The following MTUS2 variants were observed in gnomAD, a reference collection of about 807,000 sequenced individuals.
MTUS2 encodes the protein microtubule-associated tumor suppressor candidate 2.
Under a neutral mutation model 114.1 loss-of-function variants are expected in MTUS2, and 40 were observed. That is an observed-to-expected ratio of 0.35 (90% CI 0.27 to 0.46). The LOEUF (loss-of-function observed/expected upper bound fraction) is 0.46. Ranked by LOEUF, MTUS2 falls within the 20% of genes least tolerant of loss-of-function variation. The probability of loss-of-function intolerance (pLI) is 1.00; values close to 1 mark genes in which losing one functional copy is unlikely to be tolerated. For missense variants in MTUS2, 1,679 were observed against 1,705.4 expected, an observed-to-expected ratio of 0.98 and a Z score of 0.27; for synonymous variants, 688 against 672.0, an observed-to-expected ratio of 1.02 and a Z score of -0.37.
chr13:28,854,791 G>T (rs1463649619), intron 2 of MTUS2, among the ~76,000 whole-genome samples: 1 of 152,096 alleles, frequency 6.6e-6, no homozygotes, highest in Non-Finnish European at 1.5e-5. Context: ...AATTTGAGAG[G>T]CTCTCAGTGG....
At chr13:29,428,944 C>A (rs1483919241) in intron 8 of MTUS2, 5 of 1,597,148 alleles carry the variant, frequency 3.1e-6, no homozygotes, top group Non-Finnish European at 4.3e-6. Flanking sequence ...TTTGCAAGGG[C>A]AGAGAGAAAG....
intron 2 of MTUS2, among the ~76,000 whole-genome samples, chr13:28,854,931 C>T (rs1876525366): frequency 6.6e-6 from 1 of 151,924 alleles, no homozygotes; most frequent in African/African-American, 2.4e-5. Flanking sequence ...CCTGGGGATG[C>T]TCTGGTGACA....
intron 4 of MTUS2, among the ~76,000 whole-genome samples, chr13:29,081,014 C>A (rs778328543): frequency 6.6e-6 from 1 of 152,156 alleles, no homozygotes; most frequent in Non-Finnish European, 1.5e-5. Context: ...CATGAGCCAA[C>A]GCGCCTGGCC....
intron 2 of MTUS2, among the ~76,000 whole-genome samples, chr13:28,899,958 A>T (rs1323318154): frequency 2.0e-5 from 3 of 151,118 alleles, no homozygotes; most frequent in Non-Finnish European, 4.4e-5. Flanking sequence ...CAGGATCTCG[A>T]CTCACTGCAA....
intron 8 of MTUS2, among the ~76,000 whole-genome samples, chr13:29,411,966 T>C (rs1479353837): frequency 6.6e-6 from 1 of 152,232 alleles, no homozygotes; most frequent in Non-Finnish European, 1.5e-5. Flanking sequence ...TGTGAGTCAG[T>C]TTTATCATTC....
chr13:29,058,148 A>C (rs1458105982), intron 4 of MTUS2, among the ~76,000 whole-genome samples: 2 of 151,490 alleles, frequency 1.3e-5, no homozygotes, highest in Non-Finnish European at 2.9e-5. Context: ...TTTCTGCTGA[A>C]AGTTCTGCTG....
chr13:28,963,918 C>G (rs904673787), intron 2 of MTUS2, among the ~76,000 whole-genome samples: 5 of 152,186 alleles, frequency 3.3e-5, no homozygotes, highest in Admixed American at 1.3e-4. Context: ...CACTGCTTCC[C>G]AGTCTCCCCC....
chr13:29,347,594 C>T (rs1338495528), intron 7 of MTUS2, among the ~76,000 whole-genome samples: 2 of 152,002 alleles, frequency 1.3e-5, no homozygotes, highest in Non-Finnish European at 2.9e-5. Flanking sequence ...GGTTTCCACA[C>T]CAAGCAATTA....
chr13:29,322,792 A>G (rs1413517583), intron 6 of MTUS2, among the ~76,000 whole-genome samples: 1 of 152,160 alleles, frequency 6.6e-6, no homozygotes, highest in Non-Finnish European at 1.5e-5. Flanking sequence ...GAAGCATGGC[A>G]TGTTTGGGGA....
intron 6 of MTUS2, among the ~76,000 whole-genome samples, chr13:29,283,548 A>T (rs1010798617): frequency 3.9e-5 from 6 of 152,164 alleles, no homozygotes; most frequent in African/African-American, 1.4e-4. Context: ...GGTTGAATCA[A>T]CCCTATAGCC....
Position 28,830,368 on chromosome 13 carries a change from G to A in MTUS2, c.-315-9410G>A, listed in dbSNP as rs1291925598. Among the ~76,000 whole-genome samples, 5 of 152,066 alleles carry A rather than the reference G, an allele frequency of 3.3e-5. No homozygotes were observed. The East Asian group carries it at 5.8e-4, about 18-fold the overall frequency. On this transcript the variant is annotated intron_variant, in intron 1 of 15. Transcript: ENST00000612955. ...TAAATTAGCTATTATAAATGTGTTC[G>A]AAGAGCTGAAGGAAACCTTGTCTGA...
intron 2 of MTUS2, among the ~76,000 whole-genome samples, chr13:28,871,323 G>C (rs993272438): frequency 1.3e-5 from 2 of 152,154 alleles, no homozygotes; most frequent in South Asian, 2.1e-4. Context: ...AAGCTGGAAG[G>C]TTTTGACGTG....
intron 6 of MTUS2, among the ~76,000 whole-genome samples, chr13:29,306,094 A>ACG (rs1566120410): frequency 2.0e-5 from 3 of 152,232 alleles, no homozygotes; most frequent in African/African-American, 7.2e-5. Flanking sequence ...ACATTCCTTC[A>ACG]TGTTAAAAAC....
At chr13:28,860,432 G>A (rs530762187) in intron 2 of MTUS2, among the ~76,000 whole-genome samples, 1 of 152,310 alleles carries the variant, frequency 6.6e-6, no homozygotes, top group African/African-American at 2.4e-5. Context: ...ATTTGGAAAG[G>A]AGACCTAGGT....
At chr13:28,949,056 G>A (rs1453844158) in intron 2 of MTUS2, among the ~76,000 whole-genome samples, 2 of 152,164 alleles carry the variant, frequency 1.3e-5, no homozygotes, top group Non-Finnish European at 2.9e-5. Context: ...TGTGTATGTA[G>A]GAGAACATAA....
rs7333533 is a variant in MTUS2 at position 29,501,578 on chromosome 13, C to G, written c.3896+384C>G. 7.1e-3 allele frequency among the ~76,000 whole-genome samples: 1,074 copies of G among 152,338 alleles called. 12 individuals are homozygous for G. Among genetic ancestry groups the G allele is most frequent in the African/African-American group, 0.024 (1,014 of 41,592 alleles). ...TTCACAATTTCCATCCAGGTCTCGC[C>G]TGTCCCTGTGGGGCCACGCTCTGAG... On this transcript the variant is annotated intron_variant, in intron 15 of 15. Coordinates refer to ENST00000612955, the MANE Select transcript of MTUS2 (RefSeq NM_001033602.4).
intron 15 of MTUS2, among the ~76,000 whole-genome samples, chr13:29,502,264 A>G (rs1478699067): frequency 6.6e-6 from 1 of 152,258 alleles, no homozygotes; most frequent in African/African-American, 2.4e-5. Flanking sequence ...ATGCATATGT[A>G]CTTATTCCTG....
At chr13:29,498,611 G>A (rs1882703498) in intron 14 of MTUS2, 74 bp downstream of exon 14, 1 of 1,590,764 alleles carries the variant, frequency 6.3e-7, no homozygotes, top group Non-Finnish European at 8.6e-7. Flanking sequence ...CATCGTTGAT[G>A]GTGTTCAGCC....
chr13:29,115,073 G>A (rs1014025026), intron 5 of MTUS2, among the ~76,000 whole-genome samples: 5 of 152,180 alleles, frequency 3.3e-5, no homozygotes, highest in African/African-American at 1.2e-4. Context: ...GAAATGTACA[G>A]GATAAATGAA....
Sources: allele counts gnomAD v4.1 joint callset (sites outside exome capture counted in the v4.1 genomes callset), GRCh38; gene constraint gnomAD v4.1.1; transcripts MANE v1.5; gene names NCBI Gene and HGNC (gene_info 2026-07-23, HGNC 2026-07-21).